The following MAML2 variants were observed in gnomAD, a reference collection of about 807,000 sequenced individuals.
MAML2 encodes the protein mastermind-like protein 2.
Under a neutral mutation model 96.1 loss-of-function variants are expected in MAML2, and 22 were observed. The observed-to-expected ratio is 0.23, with a 90% confidence interval of 0.16 to 0.33. The LOEUF is 0.33. Ranked by LOEUF, MAML2 falls within the 10% of genes least tolerant of loss-of-function variation. The pLI is 1.00. For missense variants in MAML2, 1,367 were observed against 1,392.4 expected (o/e 0.98, Z 0.29); for synonymous variants, 561 against 521.3 (o/e 1.08, Z -1.04).
intron 2 of MAML2, among the ~76,000 whole-genome samples, chr11:96,067,767 G>A (rs1358020993): frequency 6.6e-6 from 1 of 152,168 alleles, no homozygotes; most frequent in African/African-American, 2.4e-5. Context: ...ATCCGTGACT[G>A]CCTCTCTTGC....
In MAML2 at chr11:96,341,575, C is replaced by A; in HGVS notation, c.321G>T (p.Pro107=). 6.6e-7 allele frequency: 1 copy of A among 1,513,426 alleles called. No homozygotes were observed. The highest frequency in any genetic ancestry group is 8.9e-7 in the Non-Finnish European group (1 of 1,120,452). The allele number at this position is 1,513,426 out of a possible 1,614,324, so 93.7% of individuals were successfully genotyped here. The part of the protein sequence containing the change: ...ATAATTTAPP[P]PPAAPPAASQ... ...AGGCCGCAGGAGGGGCAGCAGGGGG[C>A]GGTGGAGGGGCTGTAGTGGTGGCAG... The change falls in exon 1 of 5, where the codon CCG becomes CCT. Residue 107 remains proline, a synonymous_variant. Coordinates refer to ENST00000524717, the MANE Select transcript of MAML2 (RefSeq NM_032427.4).
intron 4 of MAML2, among the ~76,000 whole-genome samples, chr11:95,983,574 A>T (rs1185484901): frequency 1.3e-5 from 2 of 152,342 alleles, no homozygotes; most frequent in East Asian, 3.9e-4. Context: ...CCCAACACAA[A>T]GAAATGATAA....
At chr11:96,168,630 T>C (rs1861230797) in intron 1 of MAML2, among the ~76,000 whole-genome samples, 1 of 152,184 alleles carries the variant, frequency 6.6e-6, no homozygotes, top group Admixed American at 6.5e-5. Flanking sequence ...AAAATACTAG[T>C]CCTTGAGAGA....
intron 2 of MAML2, among the ~76,000 whole-genome samples, chr11:96,037,194 AAC>A (rs148838575): frequency 7.0e-6 from 1 of 143,208 alleles, no homozygotes; most frequent in South Asian, 2.4e-4. Context: ...AAAATAAAAA[AAC>A]AACAACAACA....
chr11:96,093,886 T>C (rs948345863), intron 1 of MAML2, among the ~76,000 whole-genome samples: 9 of 152,200 alleles, frequency 5.9e-5, no homozygotes, highest in Admixed American at 2.6e-4. Context: ...TCCACATGCA[T>C]GCACACACAA....
intron 1 of MAML2, among the ~76,000 whole-genome samples, chr11:96,278,399 C>G (rs1863019108): frequency 6.6e-6 from 1 of 152,130 alleles, no homozygotes. Context: ...GTGGTCACTG[C>G]CCTAAGCCTA....
In MAML2 at chr11:96,197,394, T is replaced by C. The variant is rs754930442; in HGVS notation, c.514-103877A>G. On this transcript the variant is annotated intron_variant, in intron 1 of 4. Coordinates refer to ENST00000524717, the MANE Select transcript of MAML2 (RefSeq NM_032427.4). ...CCATTAACATAGCTAGTATTTCAAA[T>C]TCCACTGTAACAGTTGCTCTGACTC... Among the ~76,000 whole-genome samples, 12 of 152,190 alleles carry C rather than the reference T, an allele frequency of 7.9e-5. No homozygotes were observed. The South Asian group carries it at 1.4e-3, about 18-fold the overall frequency.
rs71475378 is a variant in MAML2 at position 96,153,252 on chromosome 11, C to G, written c.514-59735G>C. On this transcript the variant is annotated intron_variant, in intron 1 of 4. Transcript: ENST00000524717. ...ATGACGCTTGCTCCTACGCCTGTACCTTTCCTTGTCCTATCAAAACATCAA... is the reference window on the plus strand; with the variant it reads ...ATGACGCTTGCTCCTACGCCTGTACGTTTCCTTGTCCTATCAAAACATCAA... 6.4e-4 allele frequency among the ~76,000 whole-genome samples: 97 copies of G among 151,812 alleles called. 1 individual carries two copies. The highest frequency in any genetic ancestry group is 1.2e-3 in the Non-Finnish European group (80 of 67,988).
At chr11:96,115,958 T>A (rs990565888) in intron 1 of MAML2, among the ~76,000 whole-genome samples, 1 of 152,154 alleles carries the variant, frequency 6.6e-6, no homozygotes, top group African/African-American at 2.4e-5. Context: ...TGAAGAGCTA[T>A]CTCAGCATAT....
At chr11:96,192,379 T>C (rs1591065107) in intron 1 of MAML2, among the ~76,000 whole-genome samples, 1 of 152,210 alleles carries the variant, frequency 6.6e-6, no homozygotes. Context: ...ACAGGTCTGT[T>C]TCCCTAAATT....
chr11:96,243,318 A>T (rs1378182600), intron 1 of MAML2, among the ~76,000 whole-genome samples: 3 of 152,134 alleles, frequency 2.0e-5, no homozygotes, highest in Non-Finnish European at 4.4e-5. Context: ...CAGAGCAAGG[A>T]GGCGGGGGAG....
intron 1 of MAML2, among the ~76,000 whole-genome samples, chr11:96,165,926 G>T (rs1257960327): frequency 6.6e-6 from 1 of 151,724 alleles, no homozygotes. Context: ...TTTGTAAATT[G>T]CTCTGCCTTA....
chr11:96,034,453 G>GAA (rs1284326260), intron 2 of MAML2, among the ~76,000 whole-genome samples: 4 of 145,506 alleles, frequency 2.7e-5, no homozygotes, highest in African/African-American at 8.1e-5. Flanking sequence ...GAGAGAGAGA[G>GAA]AGAGTGTGTG....
chr11:96,055,097 A>G (rs1333585060), intron 2 of MAML2, among the ~76,000 whole-genome samples: 1 of 152,238 alleles, frequency 6.6e-6, no homozygotes, highest in South Asian at 2.1e-4. Flanking sequence ...CAGGACAAAC[A>G]GGATACTGAT....
chr11:95,991,587 G>A lies in MAML2; in HGVS notation c.2276C>T (p.Thr759Ile), dbSNP rs895703900. 2 of 1,613,692 alleles carry A rather than the reference G, an allele frequency of 1.2e-6. No individual in the cohort carries two copies. Among genetic ancestry groups the A allele is most frequent in the East Asian group, 2.2e-5 (1 of 44,890 alleles). ...LNQQLMGKKQ[T>I]LQRQIMEQKQ... is the part of the protein sequence containing the mutation. ...CTGCTCCATGATCTGCCTCTGTAGA[G>A]TCTGCTTCTTTCCCATCAATTGCTG... Residue 759 changes from threonine (T) to isoleucine (I), a missense_variant, in exon 3 of 5, where the codon ACT (threonine) becomes ATT (isoleucine). Physicochemically the swap from Thr to Ile is moderately conservative, Grantham distance 89 (BLOSUM62 -1). Coordinates refer to ENST00000524717, the MANE Select transcript of MAML2 (RefSeq NM_032427.4).
At chr11:96,332,926 C>T (rs147792342) in intron 1 of MAML2, among the ~76,000 whole-genome samples, 1 of 152,306 alleles carries the variant, frequency 6.6e-6, no homozygotes, top group East Asian at 1.9e-4. Context: ...TACCAGGACT[C>T]TAAGAGATAC....
chr11:96,027,821 T>G (rs1262764537), intron 2 of MAML2, among the ~76,000 whole-genome samples: 7 of 152,176 alleles, frequency 4.6e-5, no homozygotes, highest in Non-Finnish European at 1.0e-4. Flanking sequence ...AGCCTCAACC[T>G]CCTGGGCTCA....
chr11:96,047,112 T>A (rs16922928), intron 2 of MAML2, among the ~76,000 whole-genome samples: 2,933 of 152,334 alleles, frequency 0.019, 114 homozygotes, highest in African/African-American at 0.067. Context: ...GCTTGTGTTG[T>A]TCCTGGCCAC....
chr11:96,148,986 C>A (rs942325760), intron 1 of MAML2, among the ~76,000 whole-genome samples: 4 of 152,164 alleles, frequency 2.6e-5, no homozygotes, highest in African/African-American at 9.7e-5. Flanking sequence ...TTGCTTAAGG[C>A]GGCATCTTAA....
Sources: allele counts gnomAD v4.1 joint callset (sites outside exome capture counted in the v4.1 genomes callset), GRCh38; gene constraint gnomAD v4.1.1; transcripts MANE v1.5; gene names NCBI Gene and HGNC (gene_info 2026-07-23, HGNC 2026-07-21).